The following TTC28 variants were observed in gnomAD, a reference collection of about 807,000 sequenced individuals.
The protein encoded by TTC28 is tetratricopeptide repeat domain 28.
Under a neutral mutation model 198.0 loss-of-function variants are expected in TTC28, and 61 were observed. The observed-to-expected ratio is 0.31, with a 90% CI of 0.25 to 0.38. The LOEUF is 0.38. Ranked by LOEUF, TTC28 falls within the 10% of genes least tolerant of loss-of-function variation. The probability of loss-of-function intolerance (pLI) is 1.00; values close to 1 mark genes in which losing one functional copy is unlikely to be tolerated. For synonymous variants in TTC28, 1,171 were observed against 1,297.8 expected (o/e 0.90, Z 2.10); for missense variants, 2,678 against 3,164.0 (o/e 0.85, Z 3.69).
chr22:28,415,830 AT>A (rs1340204041), intron 2 of TTC28, among the ~76,000 whole-genome samples: 2 of 123,082 alleles, frequency 1.6e-5, no homozygotes, highest in Non-Finnish European at 3.6e-5. Flanking sequence ...TTTATCAGGC[AT>A]TTCAATCTCT....
intron 5 of TTC28, among the ~76,000 whole-genome samples, chr22:28,254,572 T>C (rs1010909978): frequency 1.3e-5 from 2 of 151,130 alleles, no homozygotes; most frequent in East Asian, 1.9e-4. Context: ...TTAGAAGCCA[T>C]TGAAAAAAAA....
intron 5 of TTC28, among the ~76,000 whole-genome samples, chr22:28,274,137 TC>T (rs1932262446): frequency 6.6e-6 from 1 of 152,206 alleles, no homozygotes; most frequent in African/African-American, 2.4e-5. Context: ...ATAATGGTTA[TC>T]CTTTGAGTGT....
At chr22:28,023,608 G>A (rs894560766) in intron 13 of TTC28, among the ~76,000 whole-genome samples, 2 of 152,218 alleles carry the variant, frequency 1.3e-5, no homozygotes, top group Non-Finnish European at 2.9e-5. Flanking sequence ...CTGTGGGGTC[G>A]AATTCACTTG....
chr22:28,652,735 T>C (rs2051582923), intron 1 of TTC28, among the ~76,000 whole-genome samples: 1 of 152,170 alleles, frequency 6.6e-6, no homozygotes, highest in Admixed American at 6.5e-5. Context: ...TAGTTTTGCC[T>C]GCAGGTACTC....
chr22:28,147,845 G>A (rs9625417), intron 6 of TTC28, among the ~76,000 whole-genome samples: 10,811 of 152,116 alleles, frequency 0.071, 442 homozygotes, highest in South Asian at 0.092. Flanking sequence ...TGTGCTGGAG[G>A]GATCACAAAG....
intron 12 of TTC28, among the ~76,000 whole-genome samples, chr22:28,037,143 G>C (rs955661746): frequency 1.3e-5 from 2 of 152,264 alleles, no homozygotes; most frequent in Middle Eastern, 6.8e-3. Flanking sequence ...TAGAAAAAGA[G>C]GGAATCCTCC....
At chr22:28,501,868 ACCTG>A (rs951730059) in intron 2 of TTC28, among the ~76,000 whole-genome samples, 3 of 152,138 alleles carry the variant, frequency 2.0e-5, no homozygotes, top group African/African-American at 4.8e-5. Flanking sequence ...AAAAATCATG[ACCTG>A]CCTATTTGTT....
chr22:28,205,694 G>A (rs1373790852), intron 5 of TTC28, among the ~76,000 whole-genome samples: 1 of 151,880 alleles, frequency 6.6e-6, no homozygotes, highest in Non-Finnish European at 1.5e-5. Context: ...CTGAAAGCAG[G>A]GCCAACTCTG....
rs578076104 is a variant in TTC28 at position 28,216,923 on chromosome 22, T to C, written c.934-53324A>G. Among the ~76,000 whole-genome samples, 141 of 152,244 alleles carry C rather than the reference T, an allele frequency of 9.3e-4. 2 individuals are homozygous for C. The highest frequency in any genetic ancestry group is 3.2e-3 in the African/African-American group (134 of 41,536). ...TTTGTAGAGACAGGGTCTTCCTGTG[T>C]TGCCCAGGCTAGTTTTCTCCTGGGC... On this transcript the variant is annotated intron_variant, in intron 5 of 22. Coordinates refer to ENST00000397906, the MANE Select transcript of TTC28 (RefSeq NM_001145418.2).
At chr22:28,357,317 T>TTA (rs1555975590) in intron 2 of TTC28, among the ~76,000 whole-genome samples, 1 of 140,320 alleles carries the variant, frequency 7.1e-6, no homozygotes, top group African/African-American at 2.8e-5. Flanking sequence ...AATTTCTTAT[T>TTA]TTTTTTTTTT....
intron 6 of TTC28, among the ~76,000 whole-genome samples, chr22:28,130,303 G>T (rs73880397): frequency 1.1e-4 from 17 of 151,974 alleles, no homozygotes; most frequent in Non-Finnish European, 2.1e-4. Flanking sequence ...TGCTCCCTTT[G>T]CTCCCAAGGA....
intron 5 of TTC28, among the ~76,000 whole-genome samples, chr22:28,229,904 T>TA (rs1009486925): frequency 2.3e-4 from 35 of 151,802 alleles, no homozygotes; most frequent in South Asian, 6.2e-4. Flanking sequence ...TGCTTAAATT[T>TA]AAAAAAAAAT....
chr22:28,573,853 T>A (rs1268993002), intron 2 of TTC28, among the ~76,000 whole-genome samples: 1 of 151,788 alleles, frequency 6.6e-6, no homozygotes, highest in Non-Finnish European at 1.5e-5. Flanking sequence ...CCACCCCCAC[T>A]ACCTTTCTCA....
chr22:28,114,951 A>G lies in TTC28; in HGVS notation c.1442-6548T>C, dbSNP rs199590916. ...TATCATTTGACTTCAGCTAAAAGCA[A>G]CTTCCTGATAGGTAAGCTTTTCTTG... is the stretch of plus-strand genomic sequence containing the variant. On this transcript the variant is annotated intron_variant, in intron 6 of 22. Transcript: ENST00000397906. Among the ~76,000 whole-genome samples, 4 of 152,088 alleles carry G rather than the reference A, an allele frequency of 2.6e-5. No individual in the cohort carries two copies. In the East Asian group the frequency reaches 7.7e-4, roughly 29 times the overall value.
chr22:28,563,680 C>A (rs917067817), intron 2 of TTC28, among the ~76,000 whole-genome samples: 1 of 152,182 alleles, frequency 6.6e-6, no homozygotes, highest in Non-Finnish European at 1.5e-5. Flanking sequence ...GAAATTGGAA[C>A]CCTTGTAGAT....
intron 2 of TTC28, among the ~76,000 whole-genome samples, chr22:28,409,277 G>A (rs1490160103): frequency 6.6e-6 from 1 of 152,140 alleles, no homozygotes; most frequent in African/African-American, 2.4e-5. Flanking sequence ...CAGAGACAAA[G>A]AAATTCAACC....
chr22:28,025,664 A>G (rs1471982267), intron 13 of TTC28, among the ~76,000 whole-genome samples: 2 of 152,212 alleles, frequency 1.3e-5, no homozygotes, highest in Non-Finnish European at 2.9e-5. Context: ...GGATCACTTG[A>G]GCCAGCCTGG....
At chr22:28,352,259 A>C (rs546912003) in intron 2 of TTC28, among the ~76,000 whole-genome samples, 32 of 151,644 alleles carry the variant, frequency 2.1e-4, no homozygotes, top group Admixed American at 1.5e-3. Context: ...TAGGGCTGAA[A>C]AAAGAACCTG....
intron 2 of TTC28, among the ~76,000 whole-genome samples, chr22:28,434,228 A>G (rs1365354790): frequency 6.6e-6 from 1 of 152,248 alleles, no homozygotes; most frequent in Non-Finnish European, 1.5e-5. Context: ...ATAATTCTAC[A>G]TTCCTTAAAA....
Sources: allele counts gnomAD v4.1 joint callset (sites outside exome capture counted in the v4.1 genomes callset), GRCh38; gene constraint gnomAD v4.1.1; transcripts MANE v1.5; gene names NCBI Gene and HGNC (gene_info 2026-07-23, HGNC 2026-07-21).